Variants in EWSR1 observed in about 807,000 individuals in gnomAD.
The protein encoded by EWSR1 is RNA-binding protein EWS.
Under a neutral mutation model 92.1 loss-of-function variants are expected in EWSR1, and 14 were observed. The ratio of observed to expected loss-of-function variants is 0.15; its 90% CI spans 0.10 to 0.24. EWSR1 has a LOEUF of 0.24. Ranked by LOEUF, EWSR1 falls within the 10% of genes least tolerant of loss-of-function variation. The probability of loss-of-function intolerance (pLI) is 1.00; values close to 1 mark genes in which losing one functional copy is unlikely to be tolerated. For missense variants in EWSR1, 637 were observed against 870.9 expected (o/e 0.73, Z 3.38); for synonymous variants, 303 against 292.9 (o/e 1.03, Z -0.35).
chr22:29,290,641 C>CCTG, intron 8 of EWSR1: 1 of 1,425,502 alleles, frequency 7.0e-7, no homozygotes, highest in Non-Finnish European at 9.2e-7. Context: ...AGGTATAATA[C>CCTG]TCTAGAATTG....
intron 8 of EWSR1, chr22:29,290,636 T>C: frequency 3.5e-6 from 5 of 1,448,918 alleles, no homozygotes; most frequent in Non-Finnish European, 4.6e-6. Context: ...AGAGGAGGTA[T>C]AATACTCTAG....
Position 29,298,730 on chromosome 22 carries a change from T to C in EWSR1, c.1418-3T>C. On this transcript the variant is annotated splice_polypyrimidine_tract_variant and splice_region_variant and intron_variant, in intron 13 of 16. Transcript: ENST00000397938. The stretch of plus-strand genomic sequence containing the variant: ...TTGCTGTTTCTTGTTGTTCTTGTTG[T>C]AGGTCCAGGAGGCCCAGGAGGTCCT... The C allele has an allele frequency of 6.2e-7, 1 of 1,613,086 alleles. No homozygotes were observed. Among genetic ancestry groups the C allele is most frequent in the Non-Finnish European group, 8.5e-7 (1 of 1,179,790 alleles).
Position 29,273,806 on chromosome 22 carries a change from G to T in EWSR1, c.168G>T (p.Gln56His). The stretch of plus-strand genomic sequence containing the variant: ...CTGATGTCAGCTATACCCAGGCTCA[G>T]ACCACTGCAACCTATGGGCAGACCG... ...QPTDVSYTQA[Q>H]TTATYGQTAY... Residue 56 changes from glutamine to histidine, a missense_variant, in exon 4 of 17, where the codon CAG (glutamine) becomes CAT (histidine). Physicochemically the swap from Gln to His is conservative, Grantham distance 24. Coordinates refer to ENST00000397938, the MANE Select transcript of EWSR1 (RefSeq NM_005243.4). The T allele has an allele frequency of 6.2e-7, 1 of 1,614,022 alleles. No homozygotes were observed. The highest frequency in any genetic ancestry group is 1.1e-5 in the South Asian group (1 of 91,064).
At chr22:29,291,068 G>A in intron 8 of EWSR1, 1 of 237,118 alleles carries the variant, frequency 4.2e-6, no homozygotes, top group African/African-American at 2.2e-5. Flanking sequence ...CCTCTGATGT[G>A]TGTTGTAGGA....
rs912669333 is a variant in EWSR1 at position 29,300,462 on chromosome 22, T to C, written c.*301T>C. On this transcript the variant is annotated 3_prime_UTR_variant, in exon 17 of 17. Transcript: ENST00000397938. ...CAAGAGGGCCTCTTAACTGTAACAA[T>C]GTTCATGGTTGTGATGTTTTTTTTT... The C allele has an allele frequency of 1.3e-5, 4 of 304,136 alleles. No individual in the cohort carries two copies. Among genetic ancestry groups the C allele is most frequent in the Non-Finnish European group, 1.8e-5 (3 of 167,208 alleles). The allele number at this position is 304,136 out of a possible 1,614,324, so 18.8% of individuals were successfully genotyped here.
intron 4 of EWSR1, chr22:29,275,685 T>C (rs2059053010): frequency 4.4e-6 from 1 of 229,746 alleles, no homozygotes. Flanking sequence ...ATGAAAGTTA[T>C]CGGATAGTCA....
Position 29,296,307 on chromosome 22 carries a change from C to CTTCCTGTGG in EWSR1, c.1233_1234insTTCCTGTGG (p.Gly411_Asp412insPheLeuTrp). Reference sequence around the variant, plus strand: ...ACAAGGAAACAGGAAAGCCCAAAGGCGATGCCACAGTGTCCTATGAAGACC... The same window carrying CTTCCTGTGG: ...ACAAGGAAACAGGAAAGCCCAAAGGCTTCCTGTGGGATGCCACAGTGTCCTATGAAGACC... On this transcript the variant is annotated inframe_insertion, in exon 12 of 17. Coordinates refer to ENST00000397938, the MANE Select transcript of EWSR1 (RefSeq NM_005243.4). 1 of 1,614,036 alleles carries CTTCCTGTGG rather than the reference C, an allele frequency of 6.2e-7. No homozygotes were observed.
intron 11 of EWSR1, 41 bp downstream of exon 11, chr22:29,292,647 AC>A: frequency 7.7e-7 from 1 of 1,305,176 alleles, no homozygotes; most frequent in Non-Finnish European, 1.1e-6. Context: ...AGAACTTTAA[AC>A]CACAGAGCAT....
At chr22:29,295,661 C>T (rs1020833327) in intron 11 of EWSR1, 2 of 222,716 alleles carry the variant, frequency 9.0e-6, no homozygotes, top group African/African-American at 2.2e-5. Flanking sequence ...CTAAACTGAT[C>T]GTGTGCATAT....
intron 1 of EWSR1, among the ~76,000 whole-genome samples, chr22:29,268,667 G>A (rs1219848607): frequency 6.6e-6 from 1 of 152,212 alleles, no homozygotes; most frequent in Non-Finnish European, 1.5e-5. Flanking sequence ...GGCGGGGCCT[G>A]CGGCCTTCGA....
rs1278850933 is a variant in EWSR1 at position 29,299,709 on chromosome 22, G to T, written c.1789G>T (p.Gly597Cys). 5 of 1,612,800 alleles carry T rather than the reference G, an allele frequency of 3.1e-6. No individual in the cohort carries two copies. The highest frequency in any genetic ancestry group is 4.2e-6 in the Non-Finnish European group (5 of 1,179,430). The change falls in exon 16 of 17, where the codon GGT becomes TGT. Residue 597 changes from glycine to cysteine, a missense_variant. Transcript: ENST00000397938. ...MFRGGRGGDRGGFRGGRGMDR... is the reference protein window; with the variant it reads ...MFRGGRGGDRCGFRGGRGMDR... ...CAGAGGTGGCCGTGGTGGAGACAGA[G>T]GTGGCTTCCGTGGTGGCCGGGGCAT...
chr22:29,298,800 A>G lies in EWSR1; in HGVS notation c.1485A>G (p.Gly495=), dbSNP rs1388989889. 6.2e-7 allele frequency: 1 copy of G among 1,610,794 alleles called. No individual in the cohort carries two copies. Among genetic ancestry groups the G allele is most frequent in the Non-Finnish European group, 8.5e-7 (1 of 1,178,984 alleles). ...TGGGAGGCCGTGGAGGAGATAGAGG[A>G]GGCTTCCCTCCAAGAGGACCCCGGG... ...GRMGGRGGDR[G]GFPPRGPRGS... Residue 495 remains glycine (G), a synonymous_variant, in exon 14 of 17, where the codon GGA becomes GGG. Transcript: ENST00000397938.
At chr22:29,290,658 A>C in intron 8 of EWSR1, 1 of 1,391,870 alleles carries the variant, frequency 7.2e-7, no homozygotes, top group East Asian at 2.6e-5. Context: ...ATTGTGTAAC[A>C]TTAAAGTGTA....
In EWSR1 at chr22:29,292,189, G is replaced by T. The variant is rs375871654; in HGVS notation, c.1045+20G>T. The stretch of plus-strand genomic sequence containing the variant: ...ATCTAGGTAATTTTGAATTCTAGTT[G>T]TGCTTCATATCGTGCTTTGTAAATT... On this transcript the variant is annotated intron_variant, in intron 10 of 16. Transcript: ENST00000397938. 6 of 1,612,308 alleles carry T rather than the reference G, an allele frequency of 3.7e-6. No individual in the cohort carries two copies. The African/African-American group carries it at 6.7e-5, about 18-fold the overall frequency.
In EWSR1 at chr22:29,278,997, A is replaced by G. The variant is rs192958744; in HGVS notation, c.413+781A>G. 5.4e-3 allele frequency among the ~76,000 whole-genome samples: 812 copies of G among 151,654 alleles called. 4 individuals carry two copies. The highest frequency in any genetic ancestry group is 9.4e-3 in the Non-Finnish European group (639 of 67,772). The stretch of plus-strand genomic sequence containing the variant: ...GCGACAGAGGAAGACTTCACCTCAA[A>G]AAAAAAAAAAAGTGAAATGGTGCTA... On this transcript the variant is annotated intron_variant, in intron 5 of 16. Coordinates refer to ENST00000397938, the MANE Select transcript of EWSR1 (RefSeq NM_005243.4).
Position 29,292,520 on chromosome 22 carries a change from A to C in EWSR1, c.1078A>C (p.Asn360His). 6.2e-7 allele frequency: 1 copy of C among 1,613,840 alleles called. No homozygotes were observed. The highest frequency in any genetic ancestry group is 1.1e-5 in the South Asian group (1 of 91,074). ...TGTAGATCCAGATGAAGACTCTGAC[A>C]ACAGTGCAATTTATGTACAAGGATT... ...PPVDPDEDSD[N>H]SAIYVQGLND... Residue 360 changes from asparagine (N) to histidine (H), a missense_variant, in exon 11 of 17, where the codon AAC (asparagine) becomes CAC (histidine). Asn to His is a moderately conservative substitution (Grantham distance 68). Around this residue, in one of 5 missense-constraint regions of EWSR1, gnomAD observed 363 missense variants for 447.8 expected, o/e 0.81. Transcript: ENST00000397938.
intron 1 of EWSR1, among the ~76,000 whole-genome samples, chr22:29,271,462 C>CT (rs942611805): frequency 2.0e-5 from 3 of 151,912 alleles, no homozygotes; most frequent in Admixed American, 6.6e-5. Context: ...AAATTCATGT[C>CT]TTTTTTTTAA....
chr22:29,299,175 T>C (rs2061135852), intron 14 of EWSR1, 59 bp from the exon 15 acceptor site: 2 of 1,613,650 alleles, frequency 1.2e-6, no homozygotes, highest in Admixed American at 3.3e-5. Flanking sequence ...ACACCACCTT[T>C]CCTTGTTTAT....
At chr22:29,281,519 G>A (rs1435926592) in intron 5 of EWSR1, among the ~76,000 whole-genome samples, 1 of 151,418 alleles carries the variant, frequency 6.6e-6, no homozygotes, top group African/African-American at 2.4e-5. Flanking sequence ...TTACCAGGCT[G>A]GTCTGAAACT....
Sources: gnomAD v4.1 joint callset for allele counts (sites outside exome capture counted in the v4.1 genomes callset) on GRCh38, gnomAD v4.1.1 for gene constraint, gnomAD v4.1.1 regional missense constraint, MANE v1.5 for transcripts, NCBI Gene and HGNC (gene_info 2026-07-23, HGNC 2026-07-21) for gene names.